Variants in EVC2 observed in about 807,000 individuals in gnomAD.
EVC2 encodes the protein limbin.
A neutral mutation model predicts 149.3 loss-of-function variants in EVC2; 148 were observed. That is an observed-to-expected ratio of 0.99 (90% CI 0.87 to 1.14). The LOEUF is 1.14. Among genes scored for constraint, EVC2 ranks in the 50% most tolerant of loss-of-function variants. EVC2 has a pLI of 0.00. For missense variants in EVC2, 1,854 were observed against 1,627.3 expected (o/e 1.14, Z -2.40); for synonymous variants, 776 against 649.9 (o/e 1.19, Z -2.95).
chr4:5,617,525 C>T (rs962288920), intron 15 of EVC2, among the ~76,000 whole-genome samples: 43 of 152,016 alleles, frequency 2.8e-4, no homozygotes, highest in African/African-American at 8.0e-4. Context: ...GTGAATGGGC[C>T]GGGGAGCTTA....
rs1716675684 is a variant in EVC2, at chr4:5,633,148, C to G, written c.1471-1116G>C. On this transcript the variant is annotated intron_variant, in intron 10 of 21. Coordinates refer to ENST00000344408, the MANE Select transcript of EVC2 (RefSeq NM_147127.5). The surrounding 1 kb of genome is among the most constrained non-coding windows in gnomAD (Gnocchi z 4.4). ...GGCTTTGAAGAACCAAACAGCCAGG[C>G]TGTAAACTGTCTCCGCAGAAGGGAA... Among the ~76,000 whole-genome samples, 1 of 152,200 alleles carries G rather than the reference C, an allele frequency of 6.6e-6. No homozygotes were observed.
intron 3 of EVC2, among the ~76,000 whole-genome samples, chr4:5,693,022 G>A (rs1272237879): frequency 2.0e-5 from 3 of 152,212 alleles, no homozygotes; most frequent in East Asian, 1.9e-4. Context: ...CCTTTTTAAC[G>A]TGCTGGGACC....
At position 5,679,157 on chromosome 4, in the gene EVC2, G is replaced by C. The variant is rs1720180066; in HGVS notation, c.870+2103C>G. Among the ~76,000 whole-genome samples the C allele has an allele frequency of 6.6e-6, 1 of 152,142 alleles. No individual in the cohort carries two copies. The highest frequency in any genetic ancestry group is 2.1e-4 in the South Asian group (1 of 4,828). On this transcript the variant is annotated intron_variant, in intron 7 of 21. Transcript: ENST00000344408. This position sits in a 1 kb window ranked among gnomAD's most constrained non-coding sequence, Gnocchi z 5.1. The stretch of plus-strand genomic sequence containing the variant: ...GCTCTGGGCCAGTCAGTGAGTGAGT[G>C]GTGAGTGAATGTGAAGGCGTAGGGT...
At chr4:5,669,763 T>C (rs773455800) in intron 7 of EVC2, among the ~76,000 whole-genome samples, 3 of 152,220 alleles carry the variant, frequency 2.0e-5, no homozygotes, top group East Asian at 3.9e-4. Context: ...CACAAGGGCA[T>C]TGCCAAGAGA....
intron 16 of EVC2, among the ~76,000 whole-genome samples, chr4:5,592,581 C>T (rs866113189): frequency 1.3e-5 from 2 of 152,142 alleles, no homozygotes; most frequent in African/African-American, 4.8e-5. Flanking sequence ...CAGCAGTCTC[C>T]CAACAGATAG....
At chr4:5,650,634 TATATAGAGAGAGAGAGAGAG>T (rs1400232542) in intron 9 of EVC2, among the ~76,000 whole-genome samples, 8 of 58,212 alleles carry the variant, frequency 1.4e-4, no homozygotes, top group African/African-American at 4.9e-4. Context: ...TATATATATA[TATATAGAGAGAGAGAGAGAG>T]AGAGAGAGAG....
intron 18 of EVC2, 87 bp from the exon 19 acceptor site, chr4:5,574,859 C>G (rs979005064): frequency 7.6e-7 from 1 of 1,310,702 alleles, no homozygotes; most frequent in African/African-American, 1.5e-5. Flanking sequence ...AACAAAGAAG[C>G]ACACATCTCA....
intron 16 of EVC2, among the ~76,000 whole-genome samples, chr4:5,606,774 A>G (rs894356457): frequency 1.3e-5 from 2 of 152,240 alleles, no homozygotes; most frequent in Admixed American, 6.5e-5. Flanking sequence ...GAGGCTACAA[A>G]GTTGTAATCA....
intron 3 of EVC2, among the ~76,000 whole-genome samples, chr4:5,691,654 T>A (rs898380565): frequency 3.9e-5 from 6 of 152,080 alleles, no homozygotes; most frequent in Non-Finnish European, 8.8e-5. Flanking sequence ...AGTGAAGATA[T>A]CATTTAACAT....
At chr4:5,703,427 A>G (rs1721953374) in intron 1 of EVC2, among the ~76,000 whole-genome samples, 1 of 152,210 alleles carries the variant, frequency 6.6e-6, no homozygotes. Context: ...CTACATCCCC[A>G]GGAGCTGCAC....
At chr4:5,544,030 A>G (rs896422745) in intron 21 of EVC2, among the ~76,000 whole-genome samples, 17 of 152,064 alleles carry the variant, frequency 1.1e-4, no homozygotes, top group African/African-American at 3.6e-4. Flanking sequence ...CAAATTGTGC[A>G]CCTCCAGGTG....
intron 16 of EVC2, among the ~76,000 whole-genome samples, chr4:5,603,408 T>C (rs1415594054): frequency 6.6e-6 from 1 of 152,232 alleles, no homozygotes; most frequent in Non-Finnish European, 1.5e-5. Flanking sequence ...CTTCCCTTCC[T>C]AAATGGATTC....
intron 7 of EVC2, among the ~76,000 whole-genome samples, chr4:5,672,904 C>A (rs955883266): frequency 6.6e-6 from 1 of 152,192 alleles, no homozygotes; most frequent in Admixed American, 6.5e-5. Context: ...CAAAAGGACA[C>A]GTACTGTGTG....
chr4:5,597,330 C>G (rs568343804), intron 16 of EVC2, among the ~76,000 whole-genome samples: 2 of 152,190 alleles, frequency 1.3e-5, no homozygotes, highest in African/African-American at 4.8e-5. Flanking sequence ...AAAATACAGG[C>G]AAACCAAAGC....
Position 5,562,864 on chromosome 4 carries a change from G to A in EVC2, c.3911C>T (p.Ala1304Val), listed in dbSNP as rs1722037682. 6.2e-7 allele frequency: 1 copy of A among 1,614,044 alleles called. No individual in the cohort carries two copies. Among genetic ancestry groups the A allele is most frequent in the Non-Finnish European group, 8.5e-7 (1 of 1,180,042 alleles). The part of the protein sequence containing the change: ...NFLNAKKAMR[A>V]LGMD Reference sequence around the variant, plus strand: ...TCCCTTGGGCTAGTCCATGCCCAAGGCCCTCATGGCCTTTTTGGCATTCAA... The same window carrying A: ...TCCCTTGGGCTAGTCCATGCCCAAGACCCTCATGGCCTTTTTGGCATTCAA... Residue 1304 changes from alanine to valine, a missense_variant, in exon 22 of 22, where the codon GCC (alanine) becomes GTC (valine). By Grantham distance (64) the Ala-to-Val change is moderately conservative (BLOSUM62 0). Coordinates refer to ENST00000344408, the MANE Select transcript of EVC2 (RefSeq NM_147127.5). This position sits in a 1 kb window ranked among gnomAD's most constrained non-coding sequence, Gnocchi z 4.3.
At chr4:5,684,291 G>A (rs1720544121) in intron 6 of EVC2, among the ~76,000 whole-genome samples, 1 of 152,024 alleles carries the variant, frequency 6.6e-6, no homozygotes. Flanking sequence ...ATTTATCTAA[G>A]GTTTTTTGTT....
In EVC2 at chr4:5,562,957, A is replaced by C; in HGVS notation, c.3818T>G (p.Phe1273Cys). 1 of 1,614,050 alleles carries C rather than the reference A, an allele frequency of 6.2e-7. No individual in the cohort carries two copies. Among genetic ancestry groups the C allele is most frequent in the Non-Finnish European group, 8.5e-7 (1 of 1,179,990 alleles). Residue 1273 changes from phenylalanine to cysteine, a missense_variant, in exon 22 of 22, where the codon TTT becomes TGT. Phe to Cys is a radical substitution (Grantham distance 205). Transcript: ENST00000344408. The surrounding 1 kb of genome is among the most constrained non-coding windows in gnomAD (Gnocchi z 4.3). Reference sequence around the variant, plus strand: ...TGGCTCCTTTGGATTTCTGAATATAAAGAGCTTCTCTCCTGTGTTTAATAG... The same window carrying C: ...TGGCTCCTTTGGATTTCTGAATATACAGAGCTTCTCTCCTGTGTTTAATAG... ...IDLLNTGEKL[F>C]IFRNPKEPEI...
At position 5,637,746 on chromosome 4, in the gene EVC2, AAACTC is replaced by A. The variant is rs1285896324; in HGVS notation, c.1470+2763_1470+2767del. On this transcript the variant is annotated intron_variant, in intron 10 of 21. Coordinates refer to ENST00000344408, the MANE Select transcript of EVC2 (RefSeq NM_147127.5). The surrounding 1 kb of genome is among the most constrained non-coding windows in gnomAD (Gnocchi z 4.4). ...ATCTCCAGGGTTAGGTATACAATAG[AAACTC>A]AACAATGGGCAGAATGAATGATCCT... Among the ~76,000 whole-genome samples, 2 of 151,810 alleles carry A rather than the reference AAACTC, an allele frequency of 1.3e-5. No homozygotes were observed. The highest frequency in any genetic ancestry group is 3.9e-4 in the East Asian group (2 of 5,182).
At chr4:5,584,476 C>T in intron 17 of EVC2, 147 bp downstream of exon 17, 1 of 812,058 alleles carries the variant, frequency 1.2e-6, no homozygotes, top group Non-Finnish European at 2.0e-6. Context: ...CAAGTACTCT[C>T]CAATATGTCA....
Sources: gnomAD v4.1 joint callset for allele counts (sites outside exome capture counted in the v4.1 genomes callset) on GRCh38, gnomAD v4.1.1 for gene constraint, Gnocchi (gnomAD v3.1) non-coding constraint, MANE v1.5 for transcripts, NCBI Gene and HGNC (gene_info 2026-07-23, HGNC 2026-07-21) for gene names.